Variants in ROBO2 observed in about 807,000 individuals in gnomAD.
ROBO2 encodes roundabout homolog 2.
A neutral mutation model predicts 160.8 loss-of-function variants in ROBO2; 53 were observed. The ratio of observed to expected loss-of-function variants is 0.33; its 90% CI spans 0.26 to 0.41. ROBO2 has a LOEUF of 0.41. Ranked by LOEUF, ROBO2 falls within the 10% of genes least tolerant of loss-of-function variation. ROBO2 has a pLI of 1.00. For synonymous variants in ROBO2, 664 were observed against 611.7 expected, an observed-to-expected ratio of 1.09 and a Z score of -1.26; for missense variants, 1,577 against 1,722.4, an observed-to-expected ratio of 0.92 and a Z score of 1.49.
intron 2 of ROBO2, among the ~76,000 whole-genome samples, chr3:77,107,226 C>G (rs1401436599): frequency 6.6e-6 from 1 of 152,192 alleles, no homozygotes; most frequent in Non-Finnish European, 1.5e-5. Context: ...CCTTCAGTGA[C>G]ATCACCTTCA....
intron 2 of ROBO2, among the ~76,000 whole-genome samples, chr3:76,033,861 C>T (rs941219931): frequency 6.6e-6 from 1 of 152,124 alleles, no homozygotes; most frequent in African/African-American, 2.4e-5. Context: ...GTCACCCTCC[C>T]GTCTCTCCGT....
At chr3:77,562,545 AT>A in intron 9 of ROBO2, 105 bp from the exon 11 acceptor site, 1 of 759,998 alleles carries the variant, frequency 1.3e-6, no homozygotes, top group East Asian at 2.8e-5. Context: ...AGACAACAAA[AT>A]GATACATCTA....
chr3:76,555,167 T>C (rs1306446778), intron 2 of ROBO2, among the ~76,000 whole-genome samples: 1 of 152,060 alleles, frequency 6.6e-6, no homozygotes, highest in Non-Finnish European at 1.5e-5. Context: ...GTCTATTCTA[T>C]GCAAACAATT....
chr3:76,655,439 CATATATAT>C (rs747521584), intron 2 of ROBO2, among the ~76,000 whole-genome samples: 4 of 57,764 alleles, frequency 6.9e-5, no homozygotes, highest in Admixed American at 2.9e-4. Flanking sequence ...GATTTTTTTC[CATATATAT>C]ATATATATGG....
chr3:75,973,920 A>T (rs1410134448), intron 2 of ROBO2, among the ~76,000 whole-genome samples: 1 of 151,662 alleles, frequency 6.6e-6, no homozygotes, highest in Non-Finnish European at 1.5e-5. Context: ...GAAGCCAGTA[A>T]AGATGGTGGG....
chr3:77,205,630 T>C (rs1209891090), intron 2 of ROBO2, among the ~76,000 whole-genome samples: 1 of 152,218 alleles, frequency 6.6e-6, no homozygotes, highest in East Asian at 1.9e-4. Flanking sequence ...GGAACCTTCC[T>C]CTTCTACCGT....
chr3:77,288,597 T>G (rs1194753364), intron 2 of ROBO2, among the ~76,000 whole-genome samples: 6 of 152,176 alleles, frequency 3.9e-5, no homozygotes, highest in Non-Finnish European at 1.5e-5. Context: ...TCTGACACTC[T>G]CTGTGAACCA....
chr3:77,456,862 T>C (rs1163443723), intron 2 of ROBO2, among the ~76,000 whole-genome samples: 1 of 152,142 alleles, frequency 6.6e-6, no homozygotes, highest in African/African-American at 2.4e-5. Flanking sequence ...GGAACACAAC[T>C]CAGGGTCACA....
At chr3:76,822,770 C>T (rs1195525297) in intron 2 of ROBO2, among the ~76,000 whole-genome samples, 1 of 151,734 alleles carries the variant, frequency 6.6e-6, no homozygotes, top group Admixed American at 6.6e-5. Flanking sequence ...GAAGGACCCT[C>T]TACAAATTTT....
intron 2 of ROBO2, among the ~76,000 whole-genome samples, chr3:76,874,626 A>C (rs2057633973): frequency 6.6e-6 from 1 of 152,200 alleles, no homozygotes; most frequent in South Asian, 2.1e-4. Flanking sequence ...TGGTTATTTG[A>C]AAGAGCATTT....
intron 2 of ROBO2, among the ~76,000 whole-genome samples, chr3:76,521,083 C>G (rs1026493927): frequency 7.5e-6 from 1 of 133,386 alleles, no homozygotes; most frequent in African/African-American, 2.8e-5. Flanking sequence ...GGGTCTCCCT[C>G]TGTCATTCAG....
At chr3:76,114,065 A>G (rs1470708246) in intron 2 of ROBO2, among the ~76,000 whole-genome samples, 1 of 152,234 alleles carries the variant, frequency 6.6e-6, no homozygotes, top group Non-Finnish European at 1.5e-5. Context: ...CATGAACAAA[A>G]TAAAGCTCCT....
At chr3:76,476,665 A>C (rs1165353305) in intron 2 of ROBO2, among the ~76,000 whole-genome samples, 2 of 152,134 alleles carry the variant, frequency 1.3e-5, no homozygotes, top group African/African-American at 4.8e-5. Flanking sequence ...ATTGGCATGA[A>C]TCTACAAGCC....
At chr3:76,733,554 T>C (rs2093667055) in intron 2 of ROBO2, among the ~76,000 whole-genome samples, 1 of 152,236 alleles carries the variant, frequency 6.6e-6, no homozygotes, top group South Asian at 2.1e-4. Context: ...AACTAAATCA[T>C]TTTATCTTCA....
At chr3:76,406,399 G>T (rs1328643289) in intron 2 of ROBO2, among the ~76,000 whole-genome samples, 1 of 151,864 alleles carries the variant, frequency 6.6e-6, no homozygotes, top group African/African-American at 2.4e-5. Context: ...GTTGTAAACA[G>T]ATGAGAACGG....
At chr3:77,034,254 T>C (rs2063494242) in intron 2 of ROBO2, among the ~76,000 whole-genome samples, 1 of 151,718 alleles carries the variant, frequency 6.6e-6, no homozygotes, top group African/African-American at 2.4e-5. Context: ...ATTTTTTTCA[T>C]TTATTTCACT....
At chr3:76,055,675 T>A (rs2067816949) in intron 2 of ROBO2, among the ~76,000 whole-genome samples, 1 of 152,228 alleles carries the variant, frequency 6.6e-6, no homozygotes. Context: ...CATGATTTTA[T>A]TATTTTTGTG....
In ROBO2 at chr3:77,357,118, T is replaced by C. The variant is rs141220304; in HGVS notation, c.389-120296T>C. On this transcript the variant is annotated intron_variant, in intron 2 of 25. Coordinates refer to ENST00000461745, the Ensembl canonical transcript of ROBO2. ...AGATACTTTGCAAGGGCCTTTCGTGTATTTTATCATTTAATCCTCACAACA... is the reference window on the plus strand; with the variant it reads ...AGATACTTTGCAAGGGCCTTTCGTGCATTTTATCATTTAATCCTCACAACA... 3.9e-5 allele frequency among the ~76,000 whole-genome samples: 6 copies of C among 152,294 alleles called. No individual in the cohort carries two copies. The East Asian group carries it at 1.2e-3, about 29-fold the overall frequency.
At chr3:76,509,581 G>A (rs548903354) in intron 2 of ROBO2, among the ~76,000 whole-genome samples, 66 of 152,272 alleles carry the variant, frequency 4.3e-4, no homozygotes, top group Middle Eastern at 6.8e-3. Flanking sequence ...ATCAAGAGCC[G>A]TGAGTGGAAA....
Sources: gnomAD v4.1 joint callset for allele counts (sites outside exome capture counted in the v4.1 genomes callset) on GRCh38, gnomAD v4.1.1 for gene constraint, MANE v1.5 for transcripts, NCBI Gene and HGNC (gene_info 2026-07-23, HGNC 2026-07-21) for gene names.